The following CDH23 variants were observed in gnomAD, a reference collection of about 807,000 sequenced individuals.
The protein encoded by CDH23 is cadherin related 23.
A neutral mutation model predicts 317.1 loss-of-function variants in CDH23; 189 were observed. That is an observed-to-expected ratio of 0.60 (90% CI 0.53 to 0.67). CDH23 has a LOEUF of 0.67. CDH23 is among the 30% of genes least tolerant of loss of function. The probability of loss-of-function intolerance (pLI) is 0.00; values close to 1 mark genes in which losing one functional copy is unlikely to be tolerated. For missense variants in CDH23, 4,401 were observed against 4,592.4 expected, an observed-to-expected ratio of 0.96 and a Z score of 1.20; for synonymous variants, 1,839 against 1,876.8, an observed-to-expected ratio of 0.98 and a Z score of 0.52.
chr10:71,538,287 C>T (rs959145882), intron 6 of CDH23, among the ~76,000 whole-genome samples: 1 of 152,180 alleles, frequency 6.6e-6, no homozygotes. Flanking sequence ...GCCACCAGGT[C>T]CCCCAGTGAG....
rs727502935 is a variant in CDH23 at position 71,811,591 on chromosome 10, G to GT, written c.9278+2dup. 1 of 1,613,950 alleles carries GT rather than the reference G, an allele frequency of 6.2e-7. No individual in the cohort carries two copies. Among genetic ancestry groups the GT allele is most frequent in the Non-Finnish European group, 8.5e-7 (1 of 1,179,888 alleles). ...TCATGAACTGGTACTACAGGACTGT[G>GT]TGAGTGTCCCCCACCCCTGCCATCA... On this transcript the variant is annotated splice_donor_variant, in intron 64 of 69. Transcript: ENST00000224721. LOFTEE classifies it high-confidence loss of function.
chr10:71,612,723 G>A (rs1233229527), intron 9 of CDH23, among the ~76,000 whole-genome samples: 1 of 152,214 alleles, frequency 6.6e-6, no homozygotes, highest in Non-Finnish European at 1.5e-5. Flanking sequence ...TTGCCTCAGG[G>A]CAGCCCTTCA....
chr10:71,720,301 G>A (rs1866493864), intron 28 of CDH23, among the ~76,000 whole-genome samples: 1 of 152,142 alleles, frequency 6.6e-6, no homozygotes, highest in African/African-American at 2.4e-5. Flanking sequence ...GGGGTGAGGG[G>A]CATCTTCAAA....
At chr10:71,605,778 T>C (rs914415118) in intron 9 of CDH23, among the ~76,000 whole-genome samples, 7 of 152,242 alleles carry the variant, frequency 4.6e-5, no homozygotes, top group Admixed American at 3.3e-4. Context: ...TTGTTGGACA[T>C]CTAGGTTACC....
intron 38 of CDH23, among the ~76,000 whole-genome samples, chr10:71,770,746 C>T (rs1840666717): frequency 6.6e-6 from 1 of 152,220 alleles, no homozygotes; most frequent in Non-Finnish European, 1.5e-5. Flanking sequence ...CAGCAGCACA[C>T]TCCTGCCTGG....
intron 9 of CDH23, among the ~76,000 whole-genome samples, chr10:71,584,024 A>G (rs893876506): frequency 1.3e-5 from 2 of 152,184 alleles, no homozygotes; most frequent in Non-Finnish European, 2.9e-5. Context: ...CACTAAACCT[A>G]AAGAATCAGA....
Position 71,690,589 on chromosome 10 carries a change from G to GC in CDH23, c.2176+12dup, listed in dbSNP as rs770990654. ...TTCGGATCAATGCCCGCTCAGGTGAGCCCCCCCACCCCAAGTACCCTGGTC... is the reference window on the plus strand; with the variant it reads ...TTCGGATCAATGCCCGCTCAGGTGAGCCCCCCCCACCCCAAGTACCCTGGTC... On this transcript the variant is annotated splice_donor_region_variant and intron_variant, in intron 20 of 69. Transcript: ENST00000224721. 21 of 1,574,508 alleles carry GC rather than the reference G, an allele frequency of 1.3e-5. 1 individual carries two copies. Among genetic ancestry groups the GC allele is most frequent in the African/African-American group, 2.7e-5 (2 of 74,062 alleles).
chr10:71,519,901 A>G (rs930794328), intron 6 of CDH23, among the ~76,000 whole-genome samples: 5 of 151,216 alleles, frequency 3.3e-5, no homozygotes, highest in Non-Finnish European at 7.4e-5. Context: ...TGATCCTCCT[A>G]CATCAGCCTC....
intron 30 of CDH23, among the ~76,000 whole-genome samples, 186 bp from the exon 31 acceptor site, chr10:71,730,283 C>T (rs902419591): frequency 6.6e-6 from 1 of 152,242 alleles, no homozygotes; most frequent in Non-Finnish European, 1.5e-5. Context: ...TGAGCACCTG[C>T]CACGCGCCAG....
chr10:71,751,681 G>A lies in CDH23; in HGVS notation c.4845+9760G>A. On this transcript the variant is annotated intron_variant, in intron 38 of 69. Transcript: ENST00000224721. The surrounding 1 kb of genome is among the most constrained non-coding windows in gnomAD (Gnocchi z 4.9). ...GGAAACACTTACCCAGGGATGGGAA[G>A]AAGACGTCTCCGGGGCCTGGAGGAG... 6.5e-7 allele frequency: 1 copy of A among 1,536,836 alleles called. No individual in the cohort carries two copies. The highest frequency in any genetic ancestry group is 8.7e-7 in the Non-Finnish European group (1 of 1,143,658).
chr10:71,523,827 G>A (rs918012853), intron 6 of CDH23, among the ~76,000 whole-genome samples: 8 of 152,158 alleles, frequency 5.3e-5, no homozygotes, highest in South Asian at 2.1e-4. Context: ...CCAGAAGCCC[G>A]GAAGGCTGGC....
At chr10:71,755,545 G>C in intron 38 of CDH23, 1 of 1,344,118 alleles carries the variant, frequency 7.4e-7, no homozygotes, top group Non-Finnish European at 1.0e-6. Flanking sequence ...CTCAGAGAGG[G>C]AAGGCCAGGA....
At chr10:71,713,448 A>C (rs1324144638) in intron 28 of CDH23, 23 of 595,034 alleles carry the variant, frequency 3.9e-5, no homozygotes, top group African/African-American at 5.6e-5. Context: ...CCAAACAGGG[A>C]ATCTGGGCCT....
chr10:71,776,482 A>C (rs1022982439), intron 38 of CDH23, among the ~76,000 whole-genome samples: 1 of 152,226 alleles, frequency 6.6e-6, no homozygotes, highest in Non-Finnish European at 1.5e-5. Flanking sequence ...ATTATTTTAT[A>C]TTAGTCACTC....
intron 11 of CDH23, among the ~76,000 whole-genome samples, chr10:71,630,008 T>A (rs1203351953): frequency 6.6e-6 from 1 of 152,192 alleles, no homozygotes; most frequent in Non-Finnish European, 1.5e-5. Context: ...CTCCATTTTT[T>A]AAACATTTAT....
At chr10:71,781,243 G>A (rs545866552) in intron 41 of CDH23, among the ~76,000 whole-genome samples, 1 of 152,260 alleles carries the variant, frequency 6.6e-6, no homozygotes, top group African/African-American at 2.4e-5. Context: ...TATATATGGA[G>A]GGCCCAAGTG....
At position 71,547,622 on chromosome 10, in the gene CDH23, GC is replaced by G. The variant is rs1488355638; in HGVS notation, c.430-19117del. Among the ~76,000 whole-genome samples the G allele has an allele frequency of 1.3e-3, 195 of 152,346 alleles. 3 individuals carry two copies. Among genetic ancestry groups the G allele is most frequent in the Non-Finnish European group, 1.5e-4 (10 of 68,032 alleles). On this transcript the variant is annotated intron_variant, in intron 6 of 69. Transcript: ENST00000224721. ...ATTGCAGGGCCAGAGAGGCTGTGGAGCCCAGTGAGCCGGTCCCCGCAGGGGT... is the reference window on the plus strand; with the variant it reads ...ATTGCAGGGCCAGAGAGGCTGTGGAGCCAGTGAGCCGGTCCCCGCAGGGGT...
At chr10:71,674,779 A>G (rs1344948542) in intron 14 of CDH23, among the ~76,000 whole-genome samples, 1 of 152,196 alleles carries the variant, frequency 6.6e-6, no homozygotes, top group African/African-American at 2.4e-5. Context: ...CATGCCAGGG[A>G]CAATATGGAA....
At position 71,574,293 on chromosome 10, in the gene CDH23, G is replaced by A. The variant is rs556985661; in HGVS notation, c.753+3375G>A. 2.0e-5 allele frequency among the ~76,000 whole-genome samples: 3 copies of A among 152,248 alleles called. No individual in the cohort carries two copies. In the South Asian group the frequency reaches 6.2e-4, roughly 32 times the overall value. On this transcript the variant is annotated intron_variant, in intron 8 of 69. Transcript: ENST00000224721. ...ACCTAATAAAATCCTTCTTATTTGG[G>A]ATTATTGCATCAGATTTTAATTTCC... is the stretch of plus-strand genomic sequence containing the variant.
Sources: gnomAD v4.1 joint callset for allele counts (sites outside exome capture counted in the v4.1 genomes callset) on GRCh38, gnomAD v4.1.1 for gene constraint, Gnocchi (gnomAD v3.1) non-coding constraint, MANE v1.5 for transcripts, NCBI Gene and HGNC (gene_info 2026-07-23, HGNC 2026-07-21) for gene names.